The following PC variants were observed in gnomAD, a reference collection of about 807,000 sequenced individuals.
PC encodes pyruvate carboxylase, mitochondrial.
In PC, 46 loss-of-function variants were observed where a neutral mutation model predicts 107.8. That is an observed-to-expected ratio of 0.43 (90% CI 0.34 to 0.55). The LOEUF is 0.55. Among genes scored for constraint, PC ranks in the 20% least tolerant of loss-of-function variants. The probability of loss-of-function intolerance (pLI) is 0.04; values close to 1 mark genes in which losing one functional copy is unlikely to be tolerated. For synonymous variants in PC, 662 were observed against 684.7 expected (o/e 0.97, Z 0.52); for missense variants, 1,241 against 1,643.1 (o/e 0.76, Z 4.23).
intron 3 of PC, 142 bp downstream of exon 3, chr11:66,952,288 G>A (rs1042284270): frequency 6.6e-6 from 1 of 152,204 alleles, no homozygotes; most frequent in African/African-American, 2.4e-5. Context: ...CTGCTTAAAC[G>A]GATATTATCC....
chr11:66,896,980 G>A (rs1404911005), intron 3 of PC, among the ~76,000 whole-genome samples: 5 of 152,128 alleles, frequency 3.3e-5, no homozygotes, highest in Admixed American at 1.3e-4. Flanking sequence ...CGCCCAGGCT[G>A]GAGTGCAGTG....
chr11:66,861,503 C>T (rs1010328665), intron 12 of PC, among the ~76,000 whole-genome samples: 2 of 152,252 alleles, frequency 1.3e-5, no homozygotes, highest in African/African-American at 2.4e-5. Flanking sequence ...GGCTCACACG[C>T]GTGTGCCTGC....
At position 66,857,782 on chromosome 11, in the gene PC, G is replaced by A; in HGVS notation, c.1369-4399C>T. On this transcript the variant is annotated intron_variant, in intron 12 of 22. Coordinates refer to ENST00000393960, the MANE Select transcript of PC (RefSeq NM_001040716.2). The surrounding 1 kb of genome is among the most constrained non-coding windows in gnomAD (Gnocchi z 7.1). ...CTCCTGCTGCTGCTGCTGGCCAGTG[G>A]AGCGGCCGCCTGCCCGCTGCCCTGC... The A allele has an allele frequency of 2.5e-6, 4 of 1,596,520 alleles. No homozygotes were observed. The highest frequency in any genetic ancestry group is 3.4e-6 in the Non-Finnish European group (4 of 1,178,092).
Position 66,866,412 on chromosome 11 carries a change from T to A in PC, c.1023-63A>T. ...AAAGGGGGAAACATGAGGCGGGGGATAGACGAGGGGCACCGCAGCCAGTGG... is the reference window on the plus strand; with the variant it reads ...AAAGGGGGAAACATGAGGCGGGGGAAAGACGAGGGGCACCGCAGCCAGTGG... On this transcript the variant is annotated intron_variant, in intron 10 of 22. Coordinates refer to ENST00000393960, the MANE Select transcript of PC (RefSeq NM_001040716.2). The surrounding 1 kb of genome is among the most constrained non-coding windows in gnomAD (Gnocchi z 5.4). The A allele has an allele frequency of 5.6e-6, 6 of 1,068,002 alleles. No homozygotes were observed. Among genetic ancestry groups the A allele is most frequent in the Non-Finnish European group, 8.4e-6 (6 of 711,194 alleles). 66.2% of individuals were successfully genotyped at this position (1,068,002 alleles called of 1,614,324 possible). A position where few individuals can be genotyped will look rare whatever the true frequency, so the allele number is the denominator to read the frequency against.
chr11:66,877,463 G>T (rs1053712556), intron 3 of PC, among the ~76,000 whole-genome samples: 1 of 152,294 alleles, frequency 6.6e-6, no homozygotes, highest in Middle Eastern at 3.4e-3. Context: ...GCCAGGGCGG[G>T]TGCATCACGA....
intron 3 of PC, among the ~76,000 whole-genome samples, chr11:66,893,068 T>C (rs557939226): frequency 6.6e-6 from 1 of 152,234 alleles, no homozygotes; most frequent in Admixed American, 6.5e-5. Context: ...GACAGACCCT[T>C]AGAACAAGTC....
intron 3 of PC, among the ~76,000 whole-genome samples, chr11:66,917,760 T>C (rs1368238695): frequency 6.6e-6 from 1 of 152,200 alleles, no homozygotes; most frequent in Non-Finnish European, 1.5e-5. Flanking sequence ...GCATTCTGTA[T>C]AATAACGGAG....
Position 66,858,464 on chromosome 11 carries a change from T to C in PC, c.1369-5081A>G, listed in dbSNP as rs1331592908. The C allele has an allele frequency of 1.9e-6, 3 of 1,547,798 alleles. No individual in the cohort carries two copies. ...GCGGGAACCCCCTGCACTGCAACTG[T>C]GAGCTGCTGTGGCTGCGGCGGCTGG... On this transcript the variant is annotated intron_variant, in intron 12 of 22. Transcript: ENST00000393960. This position sits in a 1 kb window ranked among gnomAD's most constrained non-coding sequence, Gnocchi z 5.9.
chr11:66,950,405 G>T (rs1356968751), intron 3 of PC, among the ~76,000 whole-genome samples: 1 of 152,318 alleles, frequency 6.6e-6, no homozygotes, highest in African/African-American at 2.4e-5. Flanking sequence ...TGGCCTCGAG[G>T]CATATCAGGA....
intron 1 of PC, among the ~76,000 whole-genome samples, chr11:66,956,372 G>A (rs2136166364): frequency 6.6e-6 from 1 of 151,932 alleles, no homozygotes; most frequent in East Asian, 2.0e-4. Context: ...ATCACCTGAG[G>A]TCAGGAGTTC....
chr11:66,895,974 A>G (rs929048455), intron 3 of PC, among the ~76,000 whole-genome samples: 1 of 152,260 alleles, frequency 6.6e-6, no homozygotes, highest in Non-Finnish European at 1.5e-5. Flanking sequence ...AGACAAAAGT[A>G]TCAGAAATCA....
intron 3 of PC, among the ~76,000 whole-genome samples, chr11:66,907,608 C>T (rs1316777189): frequency 1.3e-5 from 2 of 152,180 alleles, no homozygotes; most frequent in Non-Finnish European, 2.9e-5. Context: ...CATGCCTGAC[C>T]AGAACAGTCC....
At chr11:66,873,509 T>A (rs1946852944) in intron 3 of PC, among the ~76,000 whole-genome samples, 1 of 1,190 alleles carries the variant, frequency 8.4e-4, no homozygotes, top group African/African-American at 9.4e-4. Context: ...TATAATATTA[T>A]ATATTATATT....
At chr11:66,914,871 G>GA (rs993206897) in intron 3 of PC, among the ~76,000 whole-genome samples, 5 of 151,074 alleles carry the variant, frequency 3.3e-5, no homozygotes, top group African/African-American at 9.7e-5. Context: ...TCCACGTCTA[G>GA]AAAAAAAAAT....
chr11:66,949,934 C>T (rs761139611), intron 3 of PC, among the ~76,000 whole-genome samples: 4 of 152,144 alleles, frequency 2.6e-5, no homozygotes, highest in Non-Finnish European at 5.9e-5. Flanking sequence ...AGACATGCCA[C>T]GCACCAGTCA....
At chr11:66,903,091 A>G (rs1432874175) in intron 3 of PC, among the ~76,000 whole-genome samples, 1 of 152,168 alleles carries the variant, frequency 6.6e-6, no homozygotes, top group African/African-American at 2.4e-5. Context: ...CTCAGGGGTG[A>G]GAAATTAGCT....
At chr11:66,902,408 A>G (rs753706375) in intron 3 of PC, among the ~76,000 whole-genome samples, 1 of 152,152 alleles carries the variant, frequency 6.6e-6, no homozygotes, top group Non-Finnish European at 1.5e-5. Context: ...AGTGATTTCT[A>G]TGATCTCAAT....
At chr11:66,895,345 C>CCCACCTGCT (rs1947717768) in intron 3 of PC, among the ~76,000 whole-genome samples, 1 of 152,170 alleles carries the variant, frequency 6.6e-6, no homozygotes, top group East Asian at 1.9e-4. Flanking sequence ...TGCTCCAGCT[C>CCCACCTGCT]CCAGGCAGCA....
intron 3 of PC, among the ~76,000 whole-genome samples, chr11:66,947,191 G>T (rs1167574593): frequency 6.6e-6 from 1 of 152,020 alleles, no homozygotes; most frequent in Non-Finnish European, 1.5e-5. Flanking sequence ...ATACACAAAT[G>T]TTCACAGTAG....
Sources: allele counts gnomAD v4.1 joint callset (sites outside exome capture counted in the v4.1 genomes callset), GRCh38; gene constraint gnomAD v4.1.1; non-coding constraint Gnocchi (gnomAD v3.1); transcripts MANE v1.5; gene names NCBI Gene and HGNC (gene_info 2026-07-23, HGNC 2026-07-21).